The following ZNF500 variants were observed in gnomAD, a reference collection of about 807,000 sequenced individuals.
ZNF500 encodes the protein zinc finger protein 500.
A neutral mutation model predicts 30.1 loss-of-function variants in ZNF500; 31 were observed. That is an observed-to-expected ratio of 1.03 (90% CI 0.77 to 1.39). ZNF500 has a LOEUF of 1.39. ZNF500 is among the 40% of genes most tolerant of loss of function. The pLI, the probability that ZNF500 is intolerant of heterozygous loss-of-function variation, is 0.00. For synonymous variants in ZNF500, 392 were observed against 282.0 expected, an observed-to-expected ratio of 1.39 and a Z score of -3.91; for missense variants, 817 against 657.8, an observed-to-expected ratio of 1.24 and a Z score of -2.65.
chr16:4,763,930 T>C (rs771522194), intron 2 of ZNF500: 63 of 985,354 alleles, frequency 6.4e-5, no homozygotes, highest in Admixed American at 1.2e-4. Flanking sequence ...GAAAGGCAGC[T>C]GGTCAGCACT....
At chr16:4,757,608 T>C (rs989034965) in intron 5 of ZNF500, among the ~76,000 whole-genome samples, 3 of 151,238 alleles carry the variant, frequency 2.0e-5, no homozygotes, top group African/African-American at 7.3e-5. Flanking sequence ...CCCGTTTTTG[T>C]TTTTGTTTTT....
chr16:4,752,979 CGA>C lies in ZNF500; in HGVS notation c.838_839del (p.Ser280GlyfsTer25). The C allele has an allele frequency of 6.2e-7, 1 of 1,603,612 alleles. No individual in the cohort carries two copies. The highest frequency in any genetic ancestry group is 8.5e-7 in the Non-Finnish European group (1 of 1,175,800). Reference protein sequence around the residue: ...PLRMEWYRVLSARCQGPGHPL... With the variant: ...PLRMEWYRVLXARCQGPGHPL... Reference sequence around the variant, plus strand: ...GGTGGCCAGGCCCCTGGCATCGTGCCGAGAGCACTCGGTACCACTCCATTCTC... The same window carrying C: ...GGTGGCCAGGCCCCTGGCATCGTGCCGAGCACTCGGTACCACTCCATTCTC... On this transcript the variant is annotated frameshift_variant, in exon 6 of 6. Transcript: ENST00000219478. LOFTEE classifies it low-confidence loss of function (END_TRUNC).
Position 4,752,880 on chromosome 16 carries a change from T to C in ZNF500, c.939A>G (p.Pro313=), listed in dbSNP as rs760822643. 1.2e-6 allele frequency: 2 copies of C among 1,614,024 alleles called. No homozygotes were observed. The highest frequency in any genetic ancestry group is 1.7e-6 in the Non-Finnish European group (2 of 1,180,012). The change falls in exon 6 of 6, where the codon CCA becomes CCG. Residue 313 remains proline (P), a synonymous_variant. Transcript: ENST00000219478. ...RPDQPRGGPP[P]GRRASHGADK... is the part of the protein sequence containing the mutation. Reference sequence around the variant, plus strand: ...CAGCCCCATGGGAAGCCCGTCTTCCTGGTGGGGGGCCGCCTCTTGGCTGAT... The same window carrying C: ...CAGCCCCATGGGAAGCCCGTCTTCCCGGTGGGGGGCCGCCTCTTGGCTGAT...
Position 4,753,534 on chromosome 16 carries a change from C to A in ZNF500, c.761-476G>T, listed in dbSNP as rs898849457. On this transcript the variant is annotated intron_variant, in intron 5 of 5. Coordinates refer to ENST00000219478, the MANE Select transcript of ZNF500 (RefSeq NM_021646.4). Reference sequence around the variant, plus strand: ...ATCACAATAACCCAGTGGGTCAGTGCTGTTACCATCTCCATCCTGCAGATG... The same window carrying A: ...ATCACAATAACCCAGTGGGTCAGTGATGTTACCATCTCCATCCTGCAGATG... Among the ~76,000 whole-genome samples, 15 of 152,182 alleles carry A rather than the reference C, an allele frequency of 9.9e-5. No individual in the cohort carries two copies. In the East Asian group the frequency reaches 1.2e-3, roughly 12 times the overall value.
At chr16:4,766,413 C>G (rs1326234168) in intron 1 of ZNF500, among the ~76,000 whole-genome samples, 1 of 152,128 alleles carries the variant, frequency 6.6e-6, no homozygotes, top group East Asian at 1.9e-4. Context: ...CACGTGAGTT[C>G]AGGAGTTGAC....
At chr16:4,764,477 C>A (rs4786542) in intron 2 of ZNF500, among the ~76,000 whole-genome samples, 89,671 of 148,616 alleles carry the variant, frequency 0.6, 27,958 homozygotes, top group Middle Eastern at 0.72. Context: ...CTCTGTCTCA[C>A]AAAAATAAAA....
chr16:4,753,012 G>T lies in ZNF500; in HGVS notation c.807C>A (p.Ala269=). 2 of 1,560,322 alleles carry T rather than the reference G, an allele frequency of 1.3e-6. No homozygotes were observed. Among genetic ancestry groups the T allele is most frequent in the South Asian group, 1.2e-5 (1 of 85,392 alleles). Residue 269 remains alanine, a synonymous_variant, in exon 6 of 6, where the codon GCC becomes GCA. Transcript: ENST00000219478. ...LEDGGDGRED[A]PLRMEWYRVL... ...CTCGGTACCACTCCATTCTCAACGG[G>T]GCATCCTCCCTGCCATCACCGCCGT...
chr16:4,748,128 G>GC (rs1329612022), downstream of ZNF500: 1 of 153,644 alleles, frequency 6.5e-6, no homozygotes, highest in Non-Finnish European at 1.4e-5. Context: ...ACACACACAT[G>GC]CCTACCCACA....
chr16:4,746,964 G>A (rs1269704539), downstream of ZNF500: 8 of 1,554,580 alleles, frequency 5.1e-6, no homozygotes, highest in Non-Finnish European at 6.9e-6. Flanking sequence ...GGAGGAGGAG[G>A]AGGAAGAGAT....
At chr16:4,757,299 T>G (rs1459701163) in intron 5 of ZNF500, among the ~76,000 whole-genome samples, 1 of 152,170 alleles carries the variant, frequency 6.6e-6, no homozygotes. Flanking sequence ...GTAAAAACTT[T>G]GAGGCCAGGT....
chr16:4,745,011 G>A (rs902234737), downstream of ZNF500: 6 of 1,612,926 alleles, frequency 3.7e-6, no homozygotes, highest in Non-Finnish European at 5.1e-6. Flanking sequence ...TCAGGAAGCA[G>A]GTGGGACTTG....
intron 2 of ZNF500, chr16:4,763,070 T>A: frequency 1.0e-6 from 1 of 985,430 alleles, no homozygotes; most frequent in Non-Finnish European, 1.2e-6. Flanking sequence ...TGGACTAATT[T>A]CAGAAGTTCA....
intron 5 of ZNF500, among the ~76,000 whole-genome samples, chr16:4,757,747 T>G (rs1020462768): frequency 1.4e-5 from 2 of 147,702 alleles, no homozygotes; most frequent in Non-Finnish European, 3.0e-5. Context: ...GGACTACAGA[T>G]GAGTACCACC....
intron 4 of ZNF500, 98 bp from the exon 5 acceptor site, chr16:4,760,686 G>A (rs747861095): frequency 7.4e-6 from 8 of 1,088,290 alleles, no homozygotes; most frequent in South Asian, 3.0e-5. Context: ...ACTGCCCCTC[G>A]AGGCTGGCGC....
intron 4 of ZNF500, among the ~76,000 whole-genome samples, chr16:4,761,450 AAAAC>A (rs2082198604): frequency 6.8e-6 from 1 of 147,166 alleles, no homozygotes; most frequent in Non-Finnish European, 1.5e-5. Flanking sequence ...CAAAAAAACA[AAAAC>A]AAAACAAAAC....
rs1180841469 is a variant in ZNF500, at chr16:4,752,547, G to A, written c.1272C>T (p.Phe424=). 2.5e-6 allele frequency: 4 copies of A among 1,569,982 alleles called. No homozygotes were observed. Among genetic ancestry groups the A allele is most frequent in the African/African-American group, 2.7e-5 (2 of 73,798 alleles). The change falls in exon 6 of 6, where the codon TTC becomes TTT. Residue 424 remains phenylalanine, a synonymous_variant. Transcript: ENST00000219478. ...CGKRFNNSSH[F]SAHRRTHTGE... is the part of the protein sequence containing the mutation. ...CTGTGTGCGTCCGGCGGTGGGCGCT[G>A]AAGTGCGAGCTGTTGTTGAAGCGCT...
rs751271963 is a variant in ZNF500, at chr16:4,762,666, A to T, written c.505T>A (p.Ser169Thr). 1.9e-6 allele frequency: 3 copies of T among 1,614,082 alleles called. No homozygotes were observed. Among genetic ancestry groups the T allele is most frequent in the Admixed American group, 1.7e-5 (1 of 60,022 alleles). Residue 169 changes from serine (S) to threonine (T), a missense_variant, in exon 3 of 6, where the codon TCC becomes ACC. Physicochemically the swap from Ser to Thr is moderately conservative, Grantham distance 58. Transcript: ENST00000219478. ...HQAEAQPEDL[S>T]LEEEARFSSQ... is the part of the protein sequence containing the mutation. The stretch of plus-strand genomic sequence containing the variant: ...GAGAATCGAGCCTCTTCCTCCAGGG[A>T]CAGATCCTCTGGCTGAGCCTCTGCC...
intron 2 of ZNF500, 150 bp from the exon 3 acceptor site, chr16:4,762,906 C>T: frequency 7.1e-7 from 1 of 1,410,766 alleles, no homozygotes; most frequent in African/African-American, 1.4e-5. Flanking sequence ...AGCCGTGTGG[C>T]AGTGTTCCCT....
downstream of ZNF500, chr16:4,747,379 C>T: frequency 6.2e-7 from 1 of 1,607,590 alleles, no homozygotes; most frequent in Non-Finnish European, 8.5e-7. Context: ...TCCAGCAGCT[C>T]AGGGCCTTTC....
Sources: allele counts gnomAD v4.1 joint callset (sites outside exome capture counted in the v4.1 genomes callset), GRCh38; gene constraint gnomAD v4.1.1; transcripts MANE v1.5; gene names NCBI Gene and HGNC (gene_info 2026-07-23, HGNC 2026-07-21).